ABCC1: variants seen among roughly 807,000 people sequenced by gnomAD.
ABCC1 encodes the protein ATP binding cassette subfamily C member 1 (ABCC1 blood group).
A neutral mutation model predicts 172.9 loss-of-function variants in ABCC1; 83 were observed. The ratio of observed to expected loss-of-function variants is 0.48; its 90% CI spans 0.40 to 0.58. ABCC1 has a LOEUF of 0.58. ABCC1 is among the 20% of genes least tolerant of loss of function. The pLI is 0.00. For synonymous variants in ABCC1, 937 were observed against 825.2 expected (o/e 1.14, Z -2.32); for missense variants, 1,817 against 2,002.7 (o/e 0.91, Z 1.77).
At chr16:15,997,839 A>G (rs1445862023) in intron 1 of ABCC1, among the ~76,000 whole-genome samples, 3 of 129,208 alleles carry the variant, frequency 2.3e-5, no homozygotes, top group Admixed American at 1.7e-4. Flanking sequence ...CCTGAGACAG[A>G]GTCTCGCTCT....
At chr16:16,048,360 A>G in intron 10 of ABCC1, 57 bp downstream of exon 10, 5 of 1,597,302 alleles carry the variant, frequency 3.1e-6, no homozygotes, top group East Asian at 2.2e-5. Flanking sequence ...ACGTGTGGGC[A>G]GTGGGCCGAG....
At chr16:15,955,751 C>T (rs2045983104) in intron 1 of ABCC1, among the ~76,000 whole-genome samples, 1 of 152,156 alleles carries the variant, frequency 6.6e-6, no homozygotes, top group Non-Finnish European at 1.5e-5. Context: ...CACTTACTGC[C>T]TTCTAATACA....
At chr16:15,986,510 C>A (rs1411761201) in intron 1 of ABCC1, among the ~76,000 whole-genome samples, 1 of 152,160 alleles carries the variant, frequency 6.6e-6, no homozygotes, top group Non-Finnish European at 1.5e-5. Flanking sequence ...GTGAACCGTG[C>A]ATGCGAGGGA....
intron 20 of ABCC1, among the ~76,000 whole-genome samples, chr16:16,105,638 A>G (rs1172622149): frequency 1.3e-5 from 2 of 152,000 alleles, no homozygotes; most frequent in Non-Finnish European, 2.9e-5. Flanking sequence ...TGGGTAGAGG[A>G]AAGTATAGAA....
chr16:16,055,820 C>T (rs1662587983), intron 11 of ABCC1, among the ~76,000 whole-genome samples: 1 of 151,254 alleles, frequency 6.6e-6, no homozygotes, highest in Non-Finnish European at 1.5e-5. Flanking sequence ...AGGGTCAGCT[C>T]TCCCACCCTC....
intron 5 of ABCC1, among the ~76,000 whole-genome samples, chr16:16,030,550 T>C (rs1329215860): frequency 6.6e-6 from 1 of 151,914 alleles, no homozygotes; most frequent in African/African-American, 2.4e-5. Context: ...ACAAAAACCT[T>C]GCTTGGTATG....
At chr16:16,083,011 A>G (rs1009434800) in intron 16 of ABCC1, among the ~76,000 whole-genome samples, 4 of 152,200 alleles carry the variant, frequency 2.6e-5, no homozygotes, top group African/African-American at 9.6e-5. Flanking sequence ...ACTGTAATCA[A>G]GTAGTTTTCC....
At chr16:16,128,384 C>T (rs945965741) in intron 26 of ABCC1, among the ~76,000 whole-genome samples, 7 of 151,562 alleles carry the variant, frequency 4.6e-5, no homozygotes, top group South Asian at 4.2e-4. Flanking sequence ...CTCCTGACCT[C>T]GTGATCCACC....
Position 16,110,434 on chromosome 16 carries a change from C to T in ABCC1, c.2872-941C>T, listed in dbSNP as rs1052071469. Among the ~76,000 whole-genome samples the T allele has an allele frequency of 5.3e-5, 8 of 151,992 alleles. No individual in the cohort carries two copies. In the South Asian group the frequency reaches 6.3e-4, roughly 12 times the overall value. On this transcript the variant is annotated intron_variant, in intron 21 of 30. Coordinates refer to ENST00000399410, the MANE Select transcript of ABCC1 (RefSeq NM_004996.4). ...AGAGACAGTCTCACTCTGTCACCCA[C>T]GCTGGAGTGCAGTGGCGCATTCTCG...
At chr16:15,993,142 A>G (rs2151639957) in intron 1 of ABCC1, among the ~76,000 whole-genome samples, 1 of 152,336 alleles carries the variant, frequency 6.6e-6, no homozygotes, top group East Asian at 1.9e-4. Context: ...TTAAGAGGAC[A>G]GAGATATCGT....
chr16:15,976,749 G>T (rs934454361), intron 1 of ABCC1, among the ~76,000 whole-genome samples: 3 of 152,188 alleles, frequency 2.0e-5, no homozygotes, highest in African/African-American at 7.2e-5. Context: ...AGTAACTGCA[G>T]CAAACTCAAC....
chr16:15,997,173 C>T (rs2047087230), intron 1 of ABCC1, among the ~76,000 whole-genome samples: 1 of 149,866 alleles, frequency 6.7e-6, no homozygotes, highest in African/African-American at 2.5e-5. Context: ...CTCACTGCAA[C>T]CTCTGCCTCC....
chr16:16,062,512 A>T (rs2049959749), intron 12 of ABCC1, among the ~76,000 whole-genome samples: 1 of 152,136 alleles, frequency 6.6e-6, no homozygotes, highest in Non-Finnish European at 1.5e-5. Context: ...GAGCCCGGCT[A>T]CCGGCTTTAC....
chr16:16,116,919 G>A (rs572037970), intron 23 of ABCC1, among the ~76,000 whole-genome samples: 1 of 152,212 alleles, frequency 6.6e-6, no homozygotes, highest in South Asian at 2.1e-4. Context: ...TACAATGGCC[G>A]TCAGTCTGAT....
At chr16:16,016,658 G>T (rs746792450) in intron 5 of ABCC1, 37 bp downstream of exon 5, 9 of 1,611,526 alleles carry the variant, frequency 5.6e-6, no homozygotes, top group Non-Finnish European at 7.6e-6. Flanking sequence ...GTGCGTGTGT[G>T]TGTGAGAGAG....
In ABCC1 at chr16:16,074,955, T is replaced by C. The variant is rs1057015901; in HGVS notation, c.1913-1371T>C. On this transcript the variant is annotated intron_variant, in intron 14 of 30. Transcript: ENST00000399410. ...TTCTGTTTTTTCTTTTTCTTTTTTT[T>C]TTTTTTTTTGAGACAGAGTTTCACT... Among the ~76,000 whole-genome samples the C allele has an allele frequency of 2.4e-3, 355 of 150,952 alleles. 10 individuals carry two copies. Among genetic ancestry groups the C allele is most frequent in the Non-Finnish European group, 1.8e-3 (124 of 67,628 alleles).
chr16:15,955,797 A>G (rs2045984104), intron 1 of ABCC1, among the ~76,000 whole-genome samples: 1 of 152,162 alleles, frequency 6.6e-6, no homozygotes, highest in Non-Finnish European at 1.5e-5. Flanking sequence ...CCTACTCTGT[A>G]AACTCCTACC....
intron 18 of ABCC1, 128 bp from the exon 19 acceptor site, chr16:16,090,277 C>G: frequency 1.0e-6 from 1 of 958,120 alleles, no homozygotes; most frequent in Non-Finnish European, 1.5e-6. Context: ...GGTGCATGTC[C>G]CACCTTCAGA....
intron 6 of ABCC1, among the ~76,000 whole-genome samples, chr16:16,034,023 C>CATTTTTT (rs2048652460): frequency 1.2e-5 from 1 of 86,832 alleles, no homozygotes; most frequent in East Asian, 3.7e-4. Context: ...TAAGCATCAT[C>CATTTTTT]TTTTTTTTTT....
Sources: allele counts gnomAD v4.1 joint callset (sites outside exome capture counted in the v4.1 genomes callset), GRCh38; gene constraint gnomAD v4.1.1; transcripts MANE v1.5; gene names NCBI Gene and HGNC (gene_info 2026-07-23, HGNC 2026-07-21).